GRIN2A: variants seen among roughly 807,000 people sequenced by gnomAD.
The protein encoded by GRIN2A is glutamate receptor ionotropic, NMDA 2A.
A neutral mutation model predicts 113.4 loss-of-function variants in GRIN2A; 22 were observed. That is an observed-to-expected ratio of 0.19 (90% CI 0.14 to 0.28). The LOEUF (loss-of-function observed/expected upper bound fraction) is 0.28. Ranked by LOEUF, GRIN2A falls within the 10% of genes least tolerant of loss-of-function variation. The probability of loss-of-function intolerance (pLI) is 1.00; values close to 1 mark genes in which losing one functional copy is unlikely to be tolerated. For synonymous variants in GRIN2A, 827 were observed against 738.4 expected (o/e 1.12, Z -1.94); for missense variants, 1,502 against 1,887.0 (o/e 0.80, Z 3.78).
chr16:10,063,497 A>G (rs1045953621), intron 2 of GRIN2A, among the ~76,000 whole-genome samples: 2 of 152,224 alleles, frequency 1.3e-5, no homozygotes, highest in Non-Finnish European at 2.9e-5. Context: ...TAAGCCTCCC[A>G]CCCAAAAATC....
chr16:9,764,794 G>A lies in GRIN2A; in HGVS notation c.2750C>T (p.Ser917Leu), dbSNP rs1900811551. 1 of 1,614,194 alleles carries A rather than the reference G, an allele frequency of 6.2e-7. No individual in the cohort carries two copies. The highest frequency in any genetic ancestry group is 8.5e-7 in the Non-Finnish European group (1 of 1,180,004). The stretch of plus-strand genomic sequence containing the variant: ...GATGAAGTCAGCAGCTCTTTTGGGT[G>A]AGTCCATTCTTGAGGAGTTCATGTT... ...MSNMNSSRMD[S>L]PKRAADFIQR... is the part of the protein sequence containing the mutation. Residue 917 changes from serine (S) to leucine (L), a missense_variant, in exon 13 of 13, where the codon TCA becomes TTA. By Grantham distance (145) the Ser-to-Leu change is moderately radical. Transcript: ENST00000330684.
In GRIN2A at chr16:9,762,735, T is replaced by A. The variant is rs1186691826; in HGVS notation, c.*414A>T. 2.9e-6 allele frequency: 1 copy of A among 343,830 alleles called. No individual in the cohort carries two copies. Among genetic ancestry groups the A allele is most frequent in the Non-Finnish European group, 5.4e-6 (1 of 186,446 alleles). 21.3% of individuals were successfully genotyped at this position (343,830 alleles called of 1,614,324 possible). On this transcript the variant is annotated 3_prime_UTR_variant, in exon 13 of 13. Transcript: ENST00000330684. Reference sequence around the variant, plus strand: ...GTTTACATGCACACCATATTGCTTATTCTGTATTAGAGAAACCATTAGGCA... The same window carrying A: ...GTTTACATGCACACCATATTGCTTAATCTGTATTAGAGAAACCATTAGGCA...
At chr16:9,857,938 G>A (rs1009760799) in intron 4 of GRIN2A, among the ~76,000 whole-genome samples, 1 of 152,136 alleles carries the variant, frequency 6.6e-6, no homozygotes, top group Non-Finnish European at 1.5e-5. Context: ...TCTCCCAAGG[G>A]TTTCACAATA....
intron 2 of GRIN2A, among the ~76,000 whole-genome samples, chr16:10,031,953 T>C (rs1166929220): frequency 6.6e-6 from 1 of 152,242 alleles, no homozygotes; most frequent in African/African-American, 2.4e-5. Context: ...CCCTTCCCTC[T>C]GTCACCCACC....
At position 9,760,507 on chromosome 16, in the gene GRIN2A, G is replaced by C; in HGVS notation, c.*2642C>G. 1 of 215,254 alleles carries C rather than the reference G, an allele frequency of 4.6e-6. No homozygotes were observed. Among genetic ancestry groups the C allele is most frequent in the Non-Finnish European group, 9.3e-6 (1 of 107,850 alleles). 13.3% of individuals were successfully genotyped at this position (215,254 alleles called of 1,614,324 possible). ...TTTATTTGAAAAAACACTTCGGTCAGTGAAAAGAATATATATTTTTTTCAC... is the reference window on the plus strand; with the variant it reads ...TTTATTTGAAAAAACACTTCGGTCACTGAAAAGAATATATATTTTTTTCAC... On this transcript the variant is annotated 3_prime_UTR_variant, in exon 13 of 13. Transcript: ENST00000330684.
intron 3 of GRIN2A, among the ~76,000 whole-genome samples, chr16:9,923,977 A>C (rs897225592): frequency 5.3e-5 from 8 of 151,938 alleles, no homozygotes; most frequent in African/African-American, 1.9e-4. Context: ...AAATACAAAA[A>C]TTAGCCGGGC....
At chr16:10,005,522 A>G (rs1395837288) in intron 2 of GRIN2A, among the ~76,000 whole-genome samples, 1 of 152,240 alleles carries the variant, frequency 6.6e-6, no homozygotes, top group Non-Finnish European at 1.5e-5. Context: ...AGTGGTCCAG[A>G]TACGTAAAGA....
intron 2 of GRIN2A, among the ~76,000 whole-genome samples, chr16:9,985,865 G>A (rs991472662): frequency 6.6e-6 from 1 of 152,118 alleles, no homozygotes; most frequent in African/African-American, 2.4e-5. Flanking sequence ...CACAAAGAAA[G>A]GGTAAATGCT....
At chr16:9,888,133 G>A (rs1020098386) in intron 4 of GRIN2A, among the ~76,000 whole-genome samples, 2 of 152,072 alleles carry the variant, frequency 1.3e-5, no homozygotes, top group African/African-American at 4.8e-5. Context: ...TAGAGACGGG[G>A]TTTCACCATA....
At chr16:10,051,140 G>A (rs2047352006) in intron 2 of GRIN2A, among the ~76,000 whole-genome samples, 3 of 152,156 alleles carry the variant, frequency 2.0e-5, no homozygotes, top group Non-Finnish European at 1.5e-5. Flanking sequence ...CAAGGGAGTT[G>A]ATCAAACAAT....
chr16:9,889,310 A>G (rs2043647115), intron 4 of GRIN2A, among the ~76,000 whole-genome samples: 1 of 151,984 alleles, frequency 6.6e-6, no homozygotes, highest in African/African-American at 2.4e-5. Flanking sequence ...TCTGTAAGTG[A>G]TAGTCCCTCT....
At chr16:10,042,951 C>T (rs2047192264) in intron 2 of GRIN2A, among the ~76,000 whole-genome samples, 2 of 152,172 alleles carry the variant, frequency 1.3e-5, no homozygotes, top group South Asian at 4.1e-4. Flanking sequence ...TACCACTGGG[C>T]CACTGAATCC....
chr16:10,075,805 C>T (rs1001305147), intron 2 of GRIN2A, among the ~76,000 whole-genome samples: 1 of 152,006 alleles, frequency 6.6e-6, no homozygotes, highest in African/African-American at 2.4e-5. Context: ...TAAAATAATG[C>T]CTCTAGCTGC....
At chr16:10,130,607 G>C (rs557008838) in intron 2 of GRIN2A, among the ~76,000 whole-genome samples, 1 of 152,274 alleles carries the variant, frequency 6.6e-6, no homozygotes, top group African/African-American at 2.4e-5. Flanking sequence ...CCAAAAGGAG[G>C]AATTCTATAT....
chr16:10,052,333 G>A (rs1404763761), intron 2 of GRIN2A, among the ~76,000 whole-genome samples: 2 of 152,220 alleles, frequency 1.3e-5, no homozygotes, highest in Non-Finnish European at 2.9e-5. Flanking sequence ...CACAGTTAAG[G>A]AGACTGAGCC....
intron 2 of GRIN2A, among the ~76,000 whole-genome samples, chr16:10,125,436 G>A (rs1361267704): frequency 1.3e-5 from 2 of 152,128 alleles, no homozygotes; most frequent in Admixed American, 6.5e-5. Flanking sequence ...CTAGTGAGTA[G>A]ACCATTCCTC....
At chr16:9,788,758 T>C (rs1232798529) in intron 11 of GRIN2A, among the ~76,000 whole-genome samples, 7 of 150,094 alleles carry the variant, frequency 4.7e-5, no homozygotes, top group African/African-American at 7.4e-5. Context: ...TTTTTTTTTT[T>C]CTGAGACAGA....
At chr16:9,890,418 A>T (rs2043670671) in intron 4 of GRIN2A, among the ~76,000 whole-genome samples, 3 of 152,136 alleles carry the variant, frequency 2.0e-5, no homozygotes, top group Admixed American at 1.3e-4. Flanking sequence ...TAAGATGATG[A>T]TTTTTTTCTT....
intron 3 of GRIN2A, among the ~76,000 whole-genome samples, chr16:9,906,382 C>G (rs1249408627): frequency 6.6e-6 from 1 of 152,192 alleles, no homozygotes; most frequent in African/African-American, 2.4e-5. Flanking sequence ...TGTTCCTACA[C>G]CTCCCTCCAC....
Sources: allele counts gnomAD v4.1 joint callset (sites outside exome capture counted in the v4.1 genomes callset), GRCh38; gene constraint gnomAD v4.1.1; transcripts MANE v1.5; gene names NCBI Gene and HGNC (gene_info 2026-07-23, HGNC 2026-07-21).